The following MCCC1 variants were observed in gnomAD, a reference collection of about 807,000 sequenced individuals.
MCCC1 encodes the protein methylcrotonyl-CoA carboxylase subunit 1, also known as methylcrotonoyl-CoA carboxylase subunit alpha, mitochondrial.
In MCCC1, 64 loss-of-function variants were observed where a neutral mutation model predicts 83.8. The observed-to-expected ratio is 0.76, with a 90% confidence interval of 0.62 to 0.94. MCCC1 has a LOEUF of 0.94. Among genes scored for constraint, MCCC1 ranks in the 40% least tolerant of loss-of-function variants. The pLI is 0.00. For synonymous variants in MCCC1, 322 were observed against 315.4 expected, an observed-to-expected ratio of 1.02 and a Z score of -0.22; for missense variants, 807 against 904.7, an observed-to-expected ratio of 0.89 and a Z score of 1.39.
intron 4 of MCCC1, among the ~76,000 whole-genome samples, chr3:183,081,458 C>T (rs542270884): frequency 6.6e-6 from 1 of 152,304 alleles, no homozygotes; most frequent in East Asian, 1.9e-4. Flanking sequence ...AAGACACACA[C>T]AAGCAAAGTT....
At chr3:183,101,611 A>G (rs1430024744), upstream of MCCC1, among the ~76,000 whole-genome samples, 9 of 152,214 alleles carry the variant, frequency 5.9e-5, no homozygotes, top group Non-Finnish European at 1.5e-5. Context: ...CTGACAAAAC[A>G]GGCCACTGGG....
intron 7 of MCCC1, among the ~76,000 whole-genome samples, chr3:183,059,749 T>C (rs1457532852): frequency 2.0e-5 from 3 of 152,248 alleles, no homozygotes; most frequent in Non-Finnish European, 4.4e-5. Context: ...TTCTCCTTCA[T>C]ACTTGAAGCA....
Position 183,092,478 on chromosome 3 carries a change from G to A in MCCC1, c.204C>T (p.Ala68=). The A allele has an allele frequency of 6.2e-7, 1 of 1,614,112 alleles. No homozygotes were observed. The highest frequency in any genetic ancestry group is 8.5e-7 in the Non-Finnish European group (1 of 1,180,016). ...GEIACRVMRT[A]KKLGVQTVAV... is the part of the protein sequence containing the mutation. ...CCACAGTCTGTACACCCAGTTTTTT[G>A]GCTGTGCGCATCACCCTGCAGGCAA... The change falls in exon 3 of 19, where the codon GCC becomes GCT. Residue 68 remains alanine, a synonymous_variant. Coordinates refer to ENST00000265594, the MANE Select transcript of MCCC1 (RefSeq NM_020166.5).
chr3:183,034,653 G>A (rs1231678401), intron 13 of MCCC1, among the ~76,000 whole-genome samples: 2 of 152,084 alleles, frequency 1.3e-5, no homozygotes, highest in African/African-American at 4.8e-5. Flanking sequence ...CTGTACCACA[G>A]TCACCACCTT....
intron 1 of MCCC1, among the ~76,000 whole-genome samples, chr3:183,097,168 C>T (rs1718795622): frequency 6.6e-6 from 1 of 152,176 alleles, no homozygotes; most frequent in Non-Finnish European, 1.5e-5. Flanking sequence ...GAAGCTGCTT[C>T]CCCGGAGCTT....
intron 7 of MCCC1, among the ~76,000 whole-genome samples, chr3:183,061,407 C>G (rs909948868): frequency 3.3e-5 from 5 of 152,150 alleles, no homozygotes; most frequent in Non-Finnish European, 7.4e-5. Flanking sequence ...GGATCTCTTT[C>G]AAATTGGTTA....
rs983345593 is a variant in MCCC1, at chr3:183,034,194, T to C, written c.1595-117A>G. The C allele has an allele frequency of 5.5e-6, 4 of 729,148 alleles. No homozygotes were observed. In the Admixed American group the frequency reaches 8.2e-5, roughly 15 times the overall value. 45.2% of individuals were successfully genotyped at this position (729,148 alleles called of 1,614,324 possible). On this transcript the variant is annotated intron_variant, in intron 13 of 18. Coordinates refer to ENST00000265594, the MANE Select transcript of MCCC1 (RefSeq NM_020166.5). Reference sequence around the variant, plus strand: ...GGCCGGGCACAGTGGCTCATGCCTGTAATCCCAGCACTTTGGGAGGCCAAG... The same window carrying C: ...GGCCGGGCACAGTGGCTCATGCCTGCAATCCCAGCACTTTGGGAGGCCAAG...
At chr3:183,097,548 C>G (rs1718831937) in intron 1 of MCCC1, among the ~76,000 whole-genome samples, 2 of 152,228 alleles carry the variant, frequency 1.3e-5, no homozygotes, top group African/African-American at 4.8e-5. Flanking sequence ...GTGTGTGCCA[C>G]TACGCCTGGC....
chr3:183,053,242 G>C (rs944317544), intron 8 of MCCC1, among the ~76,000 whole-genome samples: 1 of 151,838 alleles, frequency 6.6e-6, no homozygotes, highest in Non-Finnish European at 1.5e-5. Context: ...AGGCCGAGAC[G>C]GGTGAAGCAC....
intron 9 of MCCC1, among the ~76,000 whole-genome samples, chr3:183,048,550 A>G (rs183965594): frequency 6.6e-6 from 1 of 152,250 alleles, no homozygotes; most frequent in Admixed American, 6.5e-5. Context: ...AAGGGTAGAC[A>G]TAACAATTTT....
intron 8 of MCCC1, 78 bp from the exon 9 acceptor site, chr3:183,052,318 G>C (rs781521906): frequency 3.0e-5 from 38 of 1,246,854 alleles, no homozygotes; most frequent in Non-Finnish European, 3.8e-5. Context: ...AATTCAGTCA[G>C]GTGCCACATA....
intron 4 of MCCC1, among the ~76,000 whole-genome samples, chr3:183,085,884 T>C (rs1383124667): frequency 6.6e-6 from 1 of 152,108 alleles, no homozygotes; most frequent in Non-Finnish European, 1.5e-5. Context: ...GAAGCGGCCA[T>C]TGGTTCCAGT....
intron 9 of MCCC1, among the ~76,000 whole-genome samples, chr3:183,050,864 A>C (rs1410243023): frequency 6.6e-6 from 1 of 152,238 alleles, no homozygotes; most frequent in Non-Finnish European, 1.5e-5. Context: ...CCTGATTAAA[A>C]AATGGGTGAA....
At chr3:183,027,581 C>T (rs549088007) in intron 14 of MCCC1, among the ~76,000 whole-genome samples, 58 of 152,114 alleles carry the variant, frequency 3.8e-4, no homozygotes, top group Non-Finnish European at 7.9e-4. Context: ...TTTGGGAGGC[C>T]AAAGCAGGAC....
chr3:183,029,430 G>A (rs1367723320), intron 14 of MCCC1, among the ~76,000 whole-genome samples: 2 of 152,098 alleles, frequency 1.3e-5, no homozygotes, highest in Non-Finnish European at 2.9e-5. Flanking sequence ...CTCCCTGACT[G>A]GCATCCCTAT....
At chr3:183,101,673 G>A (rs1014941616), upstream of MCCC1, among the ~76,000 whole-genome samples, 6 of 152,180 alleles carry the variant, frequency 3.9e-5, no homozygotes, top group African/African-American at 7.2e-5. Flanking sequence ...ATAAAAGCAG[G>A]CTGCCCAAAC....
chr3:183,041,017 C>T (rs1714037308), intron 11 of MCCC1, among the ~76,000 whole-genome samples: 1 of 152,180 alleles, frequency 6.6e-6, no homozygotes, highest in Non-Finnish European at 1.5e-5. Context: ...TTACAGGGTA[C>T]TTCTCATGGT....
intron 9 of MCCC1, among the ~76,000 whole-genome samples, chr3:183,047,948 G>A (rs1714676933): frequency 1.3e-5 from 2 of 152,178 alleles, no homozygotes; most frequent in Admixed American, 1.3e-4. Context: ...CATACTGTAG[G>A]CAACTGTAAC....
rs146899298 is a variant in MCCC1, at chr3:183,107,927, C to A, written c.-102+7547G>T. ...ACAGGCCAGTTGTTTTGTACAATATCCTTGAATTTGGGTTTGCCAAAAATA... is the reference window on the plus strand; with the variant it reads ...ACAGGCCAGTTGTTTTGTACAATATACTTGAATTTGGGTTTGCCAAAAATA... On this transcript the variant is annotated intron_variant, in intron 1 of 17. Transcript: ENST00000492597. Among the ~76,000 whole-genome samples the A allele has an allele frequency of 5.5e-3, 836 of 152,202 alleles. 3 individuals carry two copies. The highest frequency in any genetic ancestry group is 7.0e-3 in the Non-Finnish European group (477 of 68,014).
Sources: allele counts gnomAD v4.1 joint callset (sites outside exome capture counted in the v4.1 genomes callset), GRCh38; gene constraint gnomAD v4.1.1; transcripts MANE v1.5; gene names NCBI Gene and HGNC (gene_info 2026-07-23, HGNC 2026-07-21).